Variants in LRRTM4 observed in about 807,000 individuals in gnomAD.
The protein encoded by LRRTM4 is leucine rich repeat transmembrane neuronal 4.
LRRTM4 carries 25 observed loss-of-function variants against 47.6 expected under a neutral mutation model. The observed-to-expected ratio is 0.53, with a 90% CI of 0.38 to 0.73. LRRTM4 has a LOEUF of 0.73. Among genes scored for constraint, LRRTM4 ranks in the 30% least tolerant of loss-of-function variants. LRRTM4 has a pLI of 0.00. For synonymous variants in LRRTM4, 311 were observed against 269.5 expected (o/e 1.15, Z -1.51); for missense variants, 638 against 713.4 (o/e 0.89, Z 1.20).
intron 3 of LRRTM4, among the ~76,000 whole-genome samples, chr2:76,806,204 C>T (rs1159342406): frequency 2.0e-5 from 3 of 152,084 alleles, no homozygotes; most frequent in South Asian, 2.1e-4. Context: ...TAACTAGGCA[C>T]TCAGAAAAAG....
Position 77,382,471 on chromosome 2 carries a change from C to A in LRRTM4, c.1551+135847G>T, listed in dbSNP as rs186394912. Reference sequence around the variant, plus strand: ...GTAAGTCAGTGGGCCTTACAGATATCCCCCAAAATTTTTCACAAACATCTT... The same window carrying A: ...GTAAGTCAGTGGGCCTTACAGATATACCCCAAAATTTTTCACAAACATCTT... On this transcript the variant is annotated intron_variant, in intron 3 of 3. Coordinates refer to ENST00000409884, the MANE Select transcript of LRRTM4 (RefSeq NM_001134745.3). Among the ~76,000 whole-genome samples the A allele has an allele frequency of 1.7e-4, 26 of 152,126 alleles. No individual in the cohort carries two copies. The East Asian group carries it at 5.0e-3, about 29-fold the overall frequency.
At chr2:77,445,424 A>G (rs1326059513) in intron 3 of LRRTM4, among the ~76,000 whole-genome samples, 1 of 151,900 alleles carries the variant, frequency 6.6e-6, no homozygotes, top group African/African-American at 2.4e-5. Context: ...TACCACTTGT[A>G]CACCAAATGC....
chr2:77,167,968 A>G (rs953750897), intron 3 of LRRTM4, among the ~76,000 whole-genome samples: 1 of 152,096 alleles, frequency 6.6e-6, no homozygotes, highest in Non-Finnish European at 1.5e-5. Context: ...AAGAAAAAAG[A>G]GTTCTTCTAC....
intron 3 of LRRTM4, among the ~76,000 whole-genome samples, chr2:76,919,902 A>C (rs1025328267): frequency 6.6e-6 from 1 of 152,178 alleles, no homozygotes; most frequent in African/African-American, 2.4e-5. Context: ...AAACAGATGC[A>C]ACAGCTGCAA....
At chr2:76,752,901 CA>C (rs1672900662) in intron 3 of LRRTM4, among the ~76,000 whole-genome samples, 1 of 152,162 alleles carries the variant, frequency 6.6e-6, no homozygotes, top group African/African-American at 2.4e-5. Context: ...CACTCTATAG[CA>C]CAGCAGAACA....
chr2:77,136,189 T>C (rs1455833276), intron 3 of LRRTM4, among the ~76,000 whole-genome samples: 2 of 152,094 alleles, frequency 1.3e-5, no homozygotes, highest in East Asian at 3.9e-4. Flanking sequence ...CTCAAGTGGG[T>C]CCCTGACCCC....
intron 3 of LRRTM4, among the ~76,000 whole-genome samples, chr2:76,817,991 TA>T (rs1304701777): frequency 6.6e-6 from 1 of 151,914 alleles, no homozygotes; most frequent in African/African-American, 2.4e-5. Flanking sequence ...TCTTTTAAAC[TA>T]TGAATGAATA....
chr2:77,374,771 T>C (rs751567178), intron 3 of LRRTM4, among the ~76,000 whole-genome samples: 7 of 151,824 alleles, frequency 4.6e-5, no homozygotes, highest in Non-Finnish European at 7.4e-5. Context: ...TATCAAATAT[T>C]CTGTGGTTGT....
chr2:77,056,495 T>G (rs960587014), intron 3 of LRRTM4, among the ~76,000 whole-genome samples: 1 of 151,744 alleles, frequency 6.6e-6, no homozygotes, highest in Non-Finnish European at 1.5e-5. Context: ...ACAGAATACA[T>G]AATAAATGAT....
intron 3 of LRRTM4, among the ~76,000 whole-genome samples, chr2:77,477,450 A>G (rs936299800): frequency 2.0e-4 from 30 of 152,140 alleles, no homozygotes; most frequent in Admixed American, 5.9e-4. Context: ...TAGATAAATT[A>G]TGTTCCATTT....
In LRRTM4 at chr2:76,903,502, C is replaced by T. The variant is rs909513894; in HGVS notation, c.1552-154586G>A. On this transcript the variant is annotated intron_variant, in intron 3 of 3. Coordinates refer to ENST00000409884, the MANE Select transcript of LRRTM4 (RefSeq NM_001134745.3). ...AGTGAGCCGAGATTGCATCACTGCACTCCATCCTGGGCCACAGAGCAAGAT... is the reference window on the plus strand; with the variant it reads ...AGTGAGCCGAGATTGCATCACTGCATTCCATCCTGGGCCACAGAGCAAGAT... Among the ~76,000 whole-genome samples, 6 of 152,156 alleles carry T rather than the reference C, an allele frequency of 3.9e-5. 1 individual carries two copies. The highest frequency in any genetic ancestry group is 3.9e-4 in the Admixed American group (6 of 15,282).
In LRRTM4 at chr2:76,970,535, T is replaced by C. The variant is rs186119793; in HGVS notation, c.1552-221619A>G. Reference sequence around the variant, plus strand: ...ATTCAGCAACACTTGTGGCATATCATATGACTATTAAAAATATTGTAGAAT... The same window carrying C: ...ATTCAGCAACACTTGTGGCATATCACATGACTATTAAAAATATTGTAGAAT... On this transcript the variant is annotated intron_variant, in intron 3 of 3. Coordinates refer to ENST00000409884, the MANE Select transcript of LRRTM4 (RefSeq NM_001134745.3). Among the ~76,000 whole-genome samples the C allele has an allele frequency of 1.3e-3, 203 of 152,176 alleles. 1 individual carries two copies. The highest frequency in any genetic ancestry group is 4.4e-3 in the South Asian group (21 of 4,826).
chr2:77,360,616 A>C (rs1453000841), intron 3 of LRRTM4, among the ~76,000 whole-genome samples: 1 of 152,096 alleles, frequency 6.6e-6, no homozygotes, highest in East Asian at 1.9e-4. Flanking sequence ...ATTTGTGGAT[A>C]ATGAACTAGC....
At chr2:77,208,420 A>G (rs1356077125) in intron 3 of LRRTM4, among the ~76,000 whole-genome samples, 2 of 152,194 alleles carry the variant, frequency 1.3e-5, no homozygotes, top group Non-Finnish European at 2.9e-5. Context: ...TCTATATACA[A>G]GAAGGCAGAC....
At chr2:76,913,185 G>C (rs1344034796) in intron 3 of LRRTM4, among the ~76,000 whole-genome samples, 1 of 151,980 alleles carries the variant, frequency 6.6e-6, no homozygotes, top group Non-Finnish European at 1.5e-5. Context: ...TGACCCATTT[G>C]TTTGAAATAT....
chr2:76,847,310 A>G (rs542819281), intron 3 of LRRTM4, among the ~76,000 whole-genome samples: 1 of 152,304 alleles, frequency 6.6e-6, no homozygotes, highest in African/African-American at 2.4e-5. Flanking sequence ...AATTTCCGAT[A>G]GAAAAGATGT....
intron 3 of LRRTM4, among the ~76,000 whole-genome samples, chr2:76,843,472 T>G (rs1248349870): frequency 6.6e-6 from 1 of 152,136 alleles, no homozygotes; most frequent in African/African-American, 2.4e-5. Flanking sequence ...GAGCAAAAGG[T>G]CAGTTGCTTC....
intron 3 of LRRTM4, among the ~76,000 whole-genome samples, chr2:77,296,827 G>A (rs1676987321): frequency 6.6e-6 from 1 of 152,162 alleles, no homozygotes; most frequent in Non-Finnish European, 1.5e-5. Context: ...TGCCCAAGGT[G>A]AGAATAAGCA....
At chr2:76,988,167 C>T (rs1483659853) in intron 3 of LRRTM4, among the ~76,000 whole-genome samples, 1 of 151,722 alleles carries the variant, frequency 6.6e-6, no homozygotes, top group Non-Finnish European at 1.5e-5. Flanking sequence ...CAGTCTGCAG[C>T]CAACCTAATT....
Sources: allele counts gnomAD v4.1 joint callset (sites outside exome capture counted in the v4.1 genomes callset), GRCh38; gene constraint gnomAD v4.1.1; transcripts MANE v1.5; gene names NCBI Gene and HGNC (gene_info 2026-07-23, HGNC 2026-07-21).